Variants in PROS1 observed in about 807,000 individuals in gnomAD.
The protein encoded by PROS1 is vitamin K-dependent protein S.
Under a neutral mutation model 75.9 loss-of-function variants are expected in PROS1, and 29 were observed. The ratio of observed to expected loss-of-function variants is 0.38; its 90% CI spans 0.28 to 0.52. PROS1 has a LOEUF of 0.52. PROS1 is among the 20% of genes least tolerant of loss of function. PROS1 has a pLI of 0.83. For missense variants in PROS1, 680 were observed against 810.3 expected (o/e 0.84, Z 1.95); for synonymous variants, 245 against 280.6 (o/e 0.87, Z 1.27).
At chr3:93,926,253 C>T (rs1159230571) in intron 2 of PROS1, among the ~76,000 whole-genome samples, 2 of 152,132 alleles carry the variant, frequency 1.3e-5, no homozygotes, top group African/African-American at 4.8e-5. Context: ...TTACACTGAT[C>T]TCTCTACTTT....
At position 93,875,342 on chromosome 3, in the gene PROS1, A is replaced by G. The variant is rs545827645; in HGVS notation, c.1871-937T>C. 2.6e-5 allele frequency among the ~76,000 whole-genome samples: 4 copies of G among 152,152 alleles called. No homozygotes were observed. In the East Asian group the frequency reaches 7.7e-4, roughly 29 times the overall value. On this transcript the variant is annotated intron_variant, in intron 14 of 14. Transcript: ENST00000394236. ...ATGTAATTAATAATTTACCCATCTCACAGTTTATACTCTTAATATCTCAAT... is the reference window on the plus strand; with the variant it reads ...ATGTAATTAATAATTTACCCATCTCGCAGTTTATACTCTTAATATCTCAAT...
chr3:93,929,620 C>T (rs1040688739), intron 1 of PROS1, among the ~76,000 whole-genome samples: 6 of 152,196 alleles, frequency 3.9e-5, no homozygotes, highest in African/African-American at 1.4e-4. Flanking sequence ...TAAAATGCCA[C>T]ACTCATAGCA....
intron 3 of PROS1, among the ~76,000 whole-genome samples, chr3:93,917,376 C>G (rs1337851989): frequency 2.6e-5 from 4 of 152,166 alleles, no homozygotes; most frequent in Admixed American, 2.6e-4. Context: ...CTTGGCTCAC[C>G]GCAACCTCCA....
At chr3:93,929,176 A>G (rs879427838) in intron 1 of PROS1, among the ~76,000 whole-genome samples, 1 of 152,192 alleles carries the variant, frequency 6.6e-6, no homozygotes, top group Non-Finnish European at 1.5e-5. Flanking sequence ...TGACTTAAAT[A>G]TCTATCAAGA....
At chr3:93,942,598 T>A (rs1387047478) in intron 1 of PROS1, among the ~76,000 whole-genome samples, 1 of 152,162 alleles carries the variant, frequency 6.6e-6, no homozygotes, top group Non-Finnish European at 1.5e-5. Context: ...ATTCCCCCAC[T>A]GAAACGTTCA....
chr3:93,876,484 G>A lies in PROS1; in HGVS notation c.1870+482C>T, dbSNP rs576082764. Among the ~76,000 whole-genome samples the A allele has an allele frequency of 6.6e-5, 10 of 150,894 alleles. 1 individual carries two copies. The highest frequency in any genetic ancestry group is 2.4e-4 in the African/African-American group (10 of 41,142). On this transcript the variant is annotated intron_variant, in intron 14 of 14. Transcript: ENST00000394236. ...GGCACCTGTAGTCCCAGCTACTCGG[G>A]AGGTTGAGGCAGGAGAATGGCGTGA...
At chr3:93,928,631 G>A in intron 1 of PROS1, 2 of 567,322 alleles carry the variant, frequency 3.5e-6, no homozygotes, top group Non-Finnish European at 5.7e-6. Flanking sequence ...GGAGATTGTT[G>A]TTGAACAGCA....
At chr3:93,884,675 T>G in intron 12 of PROS1, 53 bp downstream of exon 12, 1 of 1,515,982 alleles carries the variant, frequency 6.6e-7, no homozygotes, top group Non-Finnish European at 9.1e-7. Context: ...TGTTTGTTAA[T>G]GAATAAATTT....
chr3:93,939,107 C>A (rs1322017696), intron 1 of PROS1, among the ~76,000 whole-genome samples: 1 of 152,104 alleles, frequency 6.6e-6, no homozygotes, highest in Non-Finnish European at 1.5e-5. Context: ...ACCTAAACAC[C>A]TTGTTTTCTT....
rs190397971 is a variant in PROS1, at chr3:93,933,755, C to T, written c.77-6348G>A. Among the ~76,000 whole-genome samples the T allele has an allele frequency of 2.5e-4, 38 of 152,182 alleles. 1 individual carries two copies. The East Asian group carries it at 6.6e-3, about 26-fold the overall frequency. On this transcript the variant is annotated intron_variant, in intron 1 of 14. Transcript: ENST00000394236. ...CCTGGCCAACATGGTGAAATGCAATCTCTACTAAAAATACAAAATTTAGCC... is the reference window on the plus strand; with the variant it reads ...CCTGGCCAACATGGTGAAATGCAATTTCTACTAAAAATACAAAATTTAGCC...
At chr3:93,909,089 A>G (rs556564942) in intron 4 of PROS1, among the ~76,000 whole-genome samples, 1 of 152,222 alleles carries the variant, frequency 6.6e-6, no homozygotes, top group Non-Finnish European at 1.5e-5. Context: ...CAACATTAAT[A>G]TAAGATAGAT....
At chr3:93,952,901 C>A (rs1369277610) in intron 1 of PROS1, among the ~76,000 whole-genome samples, 1 of 152,132 alleles carries the variant, frequency 6.6e-6, no homozygotes, top group African/African-American at 2.4e-5. Context: ...GGAGATATCA[C>A]CACCAATCCC....
chr3:93,874,261 T>G lies in PROS1; in HGVS notation c.2015A>C (p.Lys672Thr). ...AAAGATGCCTTAAGAATTCTTTGTCTTTTTCCAAACTGATGGACATGAGTG... is the reference window on the plus strand; with the variant it reads ...AAAGATGCCTTAAGAATTCTTTGTCGTTTTCCAAACTGATGGACATGAGTG... The part of the protein sequence containing the change: ...RAHSCPSVWK[K>T]TKNS Residue 672 changes from lysine to threonine, a missense_variant, in exon 15 of 15, where the codon AAG becomes ACG. Coordinates refer to ENST00000394236, the MANE Select transcript of PROS1 (RefSeq NM_000313.4). 6.2e-7 allele frequency: 1 copy of G among 1,613,428 alleles called. No homozygotes were observed. The highest frequency in any genetic ancestry group is 8.5e-7 in the Non-Finnish European group (1 of 1,179,486).
intron 1 of PROS1, among the ~76,000 whole-genome samples, chr3:93,951,839 C>A (rs1709503642): frequency 6.6e-6 from 1 of 152,156 alleles, no homozygotes; most frequent in African/African-American, 2.4e-5. Flanking sequence ...GGAGACCAAT[C>A]TCATGTGCAC....
At chr3:93,884,977 A>AG in intron 11 of PROS1, 81 bp from the exon 12 acceptor site, 1 of 1,211,356 alleles carries the variant, frequency 8.3e-7, no homozygotes, top group Admixed American at 2.7e-5. Context: ...TTTCATTAAG[A>AG]GAAAAAAAAT....
chr3:93,900,971 C>T (rs1341621959), intron 6 of PROS1, 42 bp from the exon 7 acceptor site: 35 of 1,593,142 alleles, frequency 2.2e-5, no homozygotes, highest in Non-Finnish European at 3.0e-5. Context: ...TTTTCCCATA[C>T]CAGCAGACAC....
intron 9 of PROS1, among the ~76,000 whole-genome samples, chr3:93,894,542 A>T (rs1332237580): frequency 6.6e-6 from 1 of 152,118 alleles, no homozygotes; most frequent in African/African-American, 2.4e-5. Context: ...TTCTTTGTAA[A>T]ATCAGGCTGA....
intron 1 of PROS1, among the ~76,000 whole-genome samples, chr3:93,939,772 G>A (rs909722508): frequency 6.6e-6 from 1 of 151,738 alleles, no homozygotes; most frequent in Non-Finnish European, 1.5e-5. Context: ...GACCCTAAAA[G>A]GTCAGAAAGC....
intron 12 of PROS1, among the ~76,000 whole-genome samples, chr3:93,879,827 T>A (rs561116373): frequency 1.3e-5 from 2 of 152,208 alleles, no homozygotes; most frequent in African/African-American, 2.4e-5. Context: ...GAAATCAGAA[T>A]AGGAACCCTT....
Sources: gnomAD v4.1 joint callset for allele counts (sites outside exome capture counted in the v4.1 genomes callset) on GRCh38, gnomAD v4.1.1 for gene constraint, MANE v1.5 for transcripts, NCBI Gene and HGNC (gene_info 2026-07-23, HGNC 2026-07-21) for gene names.